SLC44A2: variants seen among roughly 807,000 people sequenced by gnomAD.
SLC44A2 encodes the protein choline transporter-like protein 2.
SLC44A2 carries 57 observed loss-of-function variants against 90.8 expected under a neutral mutation model. The observed-to-expected ratio is 0.63, with a 90% confidence interval of 0.51 to 0.78. SLC44A2 has a LOEUF of 0.78. SLC44A2 is among the 30% of genes least tolerant of loss of function. The pLI is 0.00. For missense variants in SLC44A2, 794 were observed against 919.7 expected (o/e 0.86, Z 1.77); for synonymous variants, 355 against 360.7 (o/e 0.98, Z 0.18).
chr19:10,623,440 TACACCCAGCACTAA>T (rs1218580601), upstream of SLC44A2, among the ~76,000 whole-genome samples: 1 of 152,154 alleles, frequency 6.6e-6, no homozygotes, highest in Non-Finnish European at 1.5e-5. Context: ...GCTGTCTGTG[TACACCCAGCACTAA>T]ATGTATATTC....
intron 1 of SLC44A2, among the ~76,000 whole-genome samples, chr19:10,608,726 T>G (rs1918190812): frequency 6.6e-6 from 1 of 151,826 alleles, no homozygotes; most frequent in South Asian, 2.1e-4. Context: ...CTCGGCTCAC[T>G]GCAACCTCTG....
In SLC44A2 at chr19:10,626,236, A is replaced by T. The variant is rs774179043; in HGVS notation, c.38-17A>T. On this transcript the variant is annotated splice_polypyrimidine_tract_variant and intron_variant, in intron 1 of 21. Coordinates refer to ENST00000335757, the MANE Select transcript of SLC44A2 (RefSeq NM_020428.4). ...CAGGTCTCCAATCCCATCCATCTTA[A>T]TCTTCTTGACTTTCAGGAACGCCAC... The T allele has an allele frequency of 6.2e-7, 1 of 1,609,480 alleles. No homozygotes were observed. The highest frequency in any genetic ancestry group is 1.7e-5 in the Admixed American group (1 of 59,990).
chr19:10,641,628 G>A (rs896648251), intron 20 of SLC44A2, among the ~76,000 whole-genome samples: 3 of 152,044 alleles, frequency 2.0e-5, no homozygotes, highest in Non-Finnish European at 4.4e-5. Context: ...CAAGGTGGGC[G>A]AATCTCTTAA....
At chr19:10,626,230 A>T in intron 1 of SLC44A2, 23 bp from the exon 2 acceptor site, 1 of 1,606,534 alleles carries the variant, frequency 6.2e-7, no homozygotes, top group Non-Finnish European at 8.5e-7. Context: ...AATCCCATCC[A>T]TCTTAATCTT....
Position 10,625,648 on chromosome 19 carries a change from G to A in SLC44A2, c.15G>A (p.Arg5=). The change falls in exon 1 of 22, where the codon CGG becomes CGA. Residue 5 remains arginine, a synonymous_variant. Coordinates refer to ENST00000335757, the MANE Select transcript of SLC44A2 (RefSeq NM_020428.4). The part of the protein sequence containing the change: MGDE[R]PHYYGKHGTP... ...CGCCTGCAGGGATGGGGGACGAGCG[G>A]CCCCACTACTACGGGAAACACGGTA... 1 of 1,249,892 alleles carries A rather than the reference G, an allele frequency of 8.0e-7. No homozygotes were observed. Among genetic ancestry groups the A allele is most frequent in the South Asian group, 3.7e-5 (1 of 26,678 alleles). The allele number at this position is 1,249,892 out of a possible 1,614,324, so 77.4% of individuals were successfully genotyped here. A position where few individuals can be genotyped will look rare whatever the true frequency, so the allele number is the denominator to read the frequency against.
chr19:10,611,839 A>C (rs1401963145), intron 1 of SLC44A2, among the ~76,000 whole-genome samples: 1 of 152,126 alleles, frequency 6.6e-6, no homozygotes, highest in African/African-American at 2.4e-5. Context: ...CAAGTAAACA[A>C]ATAAACTCTT....
rs901080007 is a variant in SLC44A2, at chr19:10,635,346, G to A, written c.1149-85G>A. 3 of 1,605,988 alleles carry A rather than the reference G, an allele frequency of 1.9e-6. No individual in the cohort carries two copies. The African/African-American group carries it at 4.0e-5, about 21-fold the overall frequency. On this transcript the variant is annotated intron_variant, in intron 13 of 21. Coordinates refer to ENST00000335757, the MANE Select transcript of SLC44A2 (RefSeq NM_020428.4). ...GACCTGCAGCTTAGGGATAGGGCTG[G>A]AAACTGGTGGGAGAATGGATTCTTT...
chr19:10,626,352 C>G, intron 2 of SLC44A2, 51 bp downstream of exon 2: 1 of 1,332,206 alleles, frequency 7.5e-7, no homozygotes, highest in South Asian at 1.2e-5. Flanking sequence ...TACCCCAATC[C>G]CTGTCTCTTC....
In SLC44A2 at chr19:10,604,315, A is replaced by G. The variant is rs77623528; in HGVS notation, c.31+1754A>G. Among the ~76,000 whole-genome samples, 1,426 of 152,352 alleles carry G rather than the reference A, an allele frequency of 9.4e-3. 8 individuals are homozygous for G. Among genetic ancestry groups the G allele is most frequent in the South Asian group, 0.022 (107 of 4,832 alleles). ...AAGATTTAGGGGAAGTGTGTTTCAC[A>G]CAGAAAGAACAGCAAACAAACCACG... On this transcript the variant is annotated intron_variant, in intron 1 of 21. Transcript: ENST00000407327.
chr19:10,624,698 G>A (rs1470398451), upstream of SLC44A2, among the ~76,000 whole-genome samples: 1 of 152,232 alleles, frequency 6.6e-6, no homozygotes, highest in Non-Finnish European at 1.5e-5. Flanking sequence ...GTATCCTCTA[G>A]TTCAGAGGGT....
intron 21 of SLC44A2, chr19:10,642,886 G>C (rs1482819828): frequency 1.3e-6 from 2 of 1,580,504 alleles, no homozygotes; most frequent in Admixed American, 3.6e-5. Context: ...CGGTTCCCGG[G>C]GGGAGCCCAG....
chr19:10,632,186 T>G (rs2067004139), intron 10 of SLC44A2, 30 bp downstream of exon 10: 3 of 1,576,866 alleles, frequency 1.9e-6, no homozygotes, highest in Non-Finnish European at 2.6e-6. Flanking sequence ...TGGCTTCTCT[T>G]TCCTGAATCC....
intron 1 of SLC44A2, among the ~76,000 whole-genome samples, chr19:10,605,680 C>T (rs2144798186): frequency 1.3e-5 from 2 of 150,906 alleles, no homozygotes; most frequent in Admixed American, 1.3e-4. Flanking sequence ...GAGTGAGACT[C>T]CGTCTCAAAA....
chr19:10,617,382 C>G (rs1423201892), intron 1 of SLC44A2, among the ~76,000 whole-genome samples: 2 of 152,156 alleles, frequency 1.3e-5, no homozygotes, highest in African/African-American at 4.8e-5. Flanking sequence ...GAACCCATCA[C>G]AAGATATTAC....
At chr19:10,635,817 T>C (rs2067048625) in intron 14 of SLC44A2, 1 of 286,072 alleles carries the variant, frequency 3.5e-6, no homozygotes, top group Non-Finnish European at 6.6e-6. Flanking sequence ...TCTTGCTCTG[T>C]CACCAGGCTG....
At chr19:10,623,744 C>T (rs1168842127), upstream of SLC44A2, among the ~76,000 whole-genome samples, 1 of 150,980 alleles carries the variant, frequency 6.6e-6, no homozygotes, top group Admixed American at 6.6e-5. Flanking sequence ...GGCTGGAGTA[C>T]AGTGGCATAA....
chr19:10,642,156 CAAAAAAA>C, intron 20 of SLC44A2, among the ~76,000 whole-genome samples: 1 of 74,456 alleles, frequency 1.3e-5, no homozygotes, highest in Non-Finnish European at 2.8e-5. Flanking sequence ...GATTCCGTCT[CAAAAAAA>C]AAAAAAAAAG....
At chr19:10,607,841 G>A (rs1918157488) in intron 1 of SLC44A2, among the ~76,000 whole-genome samples, 1 of 150,032 alleles carries the variant, frequency 6.7e-6, no homozygotes, top group Non-Finnish European at 1.5e-5. Context: ...CGCCTCCCGG[G>A]TTCATGCCAT....
chr19:10,635,520 G>T lies in SLC44A2; in HGVS notation c.1233+5G>T. The stretch of plus-strand genomic sequence containing the variant: ...GCGAAAACCTGCAACCCAGAGGTGG[G>T]CGTCCCCGGGGTGGGGAGGGCAGGT... On this transcript the variant is annotated splice_donor_5th_base_variant and intron_variant, in intron 14 of 21. Coordinates refer to ENST00000335757, the MANE Select transcript of SLC44A2 (RefSeq NM_020428.4). 2 of 1,611,896 alleles carry T rather than the reference G, an allele frequency of 1.2e-6. No individual in the cohort carries two copies. Among genetic ancestry groups the T allele is most frequent in the Non-Finnish European group, 1.7e-6 (2 of 1,179,360 alleles).
Sources: allele counts gnomAD v4.1 joint callset (sites outside exome capture counted in the v4.1 genomes callset), GRCh38; gene constraint gnomAD v4.1.1; transcripts MANE v1.5; gene names NCBI Gene and HGNC (gene_info 2026-07-23, HGNC 2026-07-21).